KALRN: variants seen among roughly 807,000 people sequenced by gnomAD.
The protein encoded by KALRN is kalirin.
In KALRN, 70 loss-of-function variants were observed where a neutral mutation model predicts 353.7. The observed-to-expected ratio is 0.20, with a 90% CI of 0.16 to 0.24. The LOEUF is 0.24. Among genes scored for constraint, KALRN ranks in the 10% least tolerant of loss-of-function variants. KALRN has a pLI of 1.00. For synonymous variants in KALRN, 1,391 were observed against 1,434.8 expected (o/e 0.97, Z 0.69); for missense variants, 2,791 against 3,756.7 (o/e 0.74, Z 6.72).
intron 6 of KALRN, among the ~76,000 whole-genome samples, chr3:124,317,179 C>T (rs1051025924): frequency 1.8e-4 from 28 of 152,154 alleles, no homozygotes; most frequent in Admixed American, 5.9e-4. Context: ...CTTTTTCTCT[C>T]GGCTGTGATT....
At chr3:124,645,580 T>C (rs1040934402) in intron 37 of KALRN, among the ~76,000 whole-genome samples, 20 of 152,086 alleles carry the variant, frequency 1.3e-4, no homozygotes, top group Admixed American at 1.3e-4. Flanking sequence ...ATTTATTACA[T>C]AGGGAATCCT....
At chr3:124,638,905 C>A (rs2081676997) in intron 37 of KALRN, among the ~76,000 whole-genome samples, 2 of 151,970 alleles carry the variant, frequency 1.3e-5, no homozygotes, top group African/African-American at 4.8e-5. Context: ...AATTTATAAA[C>A]AAGTTACATG....
chr3:124,393,561 G>A (rs1379496818), intron 11 of KALRN, among the ~76,000 whole-genome samples: 1 of 152,194 alleles, frequency 6.6e-6, no homozygotes, highest in Non-Finnish European at 1.5e-5. Context: ...CTTGCAAGCT[G>A]ATAAATGTGA....
intron 34 of KALRN, among the ~76,000 whole-genome samples, chr3:124,629,387 C>A (rs60582273): frequency 0.036 from 5,406 of 151,756 alleles, 485 homozygotes; most frequent in East Asian, 0.34. Context: ...ACAACAACAA[C>A]AAAAAAAACT....
intron 33 of KALRN, among the ~76,000 whole-genome samples, chr3:124,516,400 A>G (rs2066557097): frequency 6.6e-6 from 1 of 152,168 alleles, no homozygotes; most frequent in African/African-American, 2.4e-5. Context: ...CCACTCCATG[A>G]GGTTGTGGTG....
intron 1 of KALRN, among the ~76,000 whole-genome samples, chr3:124,177,254 A>G (rs577086676): frequency 3.8e-4 from 58 of 152,296 alleles, no homozygotes; most frequent in African/African-American, 1.2e-3. Flanking sequence ...CAGGCCTGCC[A>G]TTTCTCAAAC....
intron 23 of KALRN, among the ~76,000 whole-genome samples, chr3:124,460,549 A>G (rs1026370534): frequency 2.0e-5 from 3 of 152,206 alleles, no homozygotes; most frequent in African/African-American, 4.8e-5. Context: ...TTTCATCGCA[A>G]TCTACAGCTC....
chr3:124,295,250 C>G (rs569193247), intron 5 of KALRN, among the ~76,000 whole-genome samples: 1 of 152,188 alleles, frequency 6.6e-6, no homozygotes. Context: ...GTCTTTTTCT[C>G]TCTACTGAGA....
intron 6 of KALRN, among the ~76,000 whole-genome samples, chr3:124,319,167 A>G (rs140590949): frequency 6.6e-6 from 1 of 152,104 alleles, no homozygotes; most frequent in East Asian, 1.9e-4. Flanking sequence ...AAGATATATT[A>G]AAATAATTTT....
rs773247077 is a variant in KALRN, at chr3:124,488,300, G to C, written c.4381G>C (p.Val1461Leu). Reference protein sequence around the residue: ...VPKKANDAMHVSMLEGFDENL... With the variant: ...VPKKANDAMHLSMLEGFDENL... Reference sequence around the variant, plus strand: ...AAAGAAAGCCAATGATGCCATGCATGTCAGCATGCTGGAAGGTAGCTGTCC... The same window carrying C: ...AAAGAAAGCCAATGATGCCATGCATCTCAGCATGCTGGAAGGTAGCTGTCC... The change falls in exon 29 of 60, where the codon GTC (valine) becomes CTC (leucine). Residue 1461 changes from valine (V) to leucine (L), a missense_variant. By Grantham distance (32) the Val-to-Leu change is conservative. Around this residue, in one of 11 missense-constraint regions of KALRN, gnomAD observed 239 missense variants for 351.3 expected, o/e 0.68. Coordinates refer to ENST00000682506, the MANE Select transcript of KALRN (RefSeq NM_001388419.1). The C allele has an allele frequency of 6.2e-7, 1 of 1,611,518 alleles. No homozygotes were observed. Among genetic ancestry groups the C allele is most frequent in the South Asian group, 1.1e-5 (1 of 91,010 alleles).
chr3:124,229,399 A>G (rs1313169726), intron 2 of KALRN, among the ~76,000 whole-genome samples: 1 of 152,268 alleles, frequency 6.6e-6, no homozygotes, highest in South Asian at 2.1e-4. Flanking sequence ...AGAGGCTGGG[A>G]TAGACAGTGT....
chr3:124,552,723 C>CTCAAGATATG (rs1475873981), intron 33 of KALRN, among the ~76,000 whole-genome samples: 2 of 152,266 alleles, frequency 1.3e-5, no homozygotes. Context: ...GCCAGATTAT[C>CTCAAGATATG]TCAAGATATG....
intron 36 of KALRN, among the ~76,000 whole-genome samples, chr3:124,635,974 C>A (rs2081310383): frequency 6.6e-6 from 1 of 152,044 alleles, no homozygotes. Context: ...GTTCTTTTGA[C>A]TTCTGTCCTT....
chr3:124,239,635 A>G (rs2080204359), intron 3 of KALRN, among the ~76,000 whole-genome samples: 1 of 152,266 alleles, frequency 6.6e-6, no homozygotes, highest in African/African-American at 2.4e-5. Flanking sequence ...GGATTTCAGC[A>G]AAACATAAGT....
chr3:124,194,759 A>G lies in KALRN; in HGVS notation c.74-33231A>G, dbSNP rs1310852693. Among the ~76,000 whole-genome samples the G allele has an allele frequency of 5.3e-5, 8 of 152,090 alleles. No homozygotes were observed. In the East Asian group the frequency reaches 7.7e-4, roughly 15 times the overall value. On this transcript the variant is annotated intron_variant, in intron 1 of 59. Transcript: ENST00000682506. Reference sequence around the variant, plus strand: ...TGAGCCCTCTCCCAGTGCTCCTTGTATGCCAGGTACTGCCAGAGCCCTTGG... The same window carrying G: ...TGAGCCCTCTCCCAGTGCTCCTTGTGTGCCAGGTACTGCCAGAGCCCTTGG...
intron 28 of KALRN, among the ~76,000 whole-genome samples, chr3:124,484,750 C>T (rs1286190385): frequency 6.6e-6 from 1 of 152,194 alleles, no homozygotes; most frequent in Non-Finnish European, 1.5e-5. Flanking sequence ...TCCCTTAGCC[C>T]AGATTTTGTG....
chr3:124,495,608 G>A (rs2063618287), intron 32 of KALRN, among the ~76,000 whole-genome samples: 1 of 151,228 alleles, frequency 6.6e-6, no homozygotes, highest in South Asian at 2.1e-4. Flanking sequence ...CATGATGGCA[G>A]GCACGTGGAA....
At chr3:124,337,502 C>A (rs1477347726) in intron 9 of KALRN, among the ~76,000 whole-genome samples, 1 of 152,182 alleles carries the variant, frequency 6.6e-6, no homozygotes, top group Admixed American at 6.5e-5. Context: ...CTGACTTGAT[C>A]ATGGTGGATA....
intron 1 of KALRN, among the ~76,000 whole-genome samples, chr3:124,114,431 G>A (rs1220153229): frequency 6.6e-6 from 1 of 152,200 alleles, no homozygotes; most frequent in African/African-American, 2.4e-5. Context: ...TGTGACATAT[G>A]GGGACAGATG....
Sources: allele counts gnomAD v4.1 joint callset (sites outside exome capture counted in the v4.1 genomes callset), GRCh38; gene constraint gnomAD v4.1.1; regional missense constraint gnomAD v4.1.1; transcripts MANE v1.5; gene names NCBI Gene and HGNC (gene_info 2026-07-23, HGNC 2026-07-21).